SPATA6L: variants seen among roughly 807,000 people sequenced by gnomAD.
SPATA6L encodes spermatogenesis associated 6 like, also known as spermatogenesis associated 6-like protein.
In SPATA6L, 68 loss-of-function variants were observed where a neutral mutation model predicts 49.2. That is an observed-to-expected ratio of 1.38 (90% CI 1.14 to 1.69). The LOEUF (loss-of-function observed/expected upper bound fraction) is 1.69, where lower values mean the gene tolerates loss of function less well. Ranked by LOEUF, SPATA6L falls within the 40% of genes most tolerant of loss-of-function variation. The pLI is 0.00. For missense variants in SPATA6L, 668 were observed against 464.3 expected (o/e 1.44, Z -4.03); for synonymous variants, 198 against 165.7 (o/e 1.19, Z -1.50).
chr9:4,606,094 CT>C (rs1293991495), intron 9 of SPATA6L, among the ~76,000 whole-genome samples: 1 of 152,132 alleles, frequency 6.6e-6, no homozygotes, highest in African/African-American at 2.4e-5. Context: ...AAATACTGCG[CT>C]TTTCCTACGG....
At chr9:4,615,776 A>C (rs935884763) in intron 9 of SPATA6L, among the ~76,000 whole-genome samples, 1 of 152,106 alleles carries the variant, frequency 6.6e-6, no homozygotes, top group Non-Finnish European at 1.5e-5. Flanking sequence ...ATTGCCCCCA[A>C]CAGTTGCCCA....
In SPATA6L at chr9:4,602,508, C is replaced by G. The variant is rs1054272053; in HGVS notation, c.*1+1671G>C. 3.9e-5 allele frequency among the ~76,000 whole-genome samples: 6 copies of G among 152,332 alleles called. No homozygotes were observed. In the East Asian group the frequency reaches 1.2e-3, roughly 29 times the overall value. On this transcript the variant is annotated intron_variant, in intron 11 of 11. Transcript: ENST00000682582. ...TGTTCTGTAAAGCATGCATGACCCT[C>G]AAAACAGACTTTCAGGAGCCTGACT...
In SPATA6L at chr9:4,662,079, C is replaced by A. The variant is rs779002916; in HGVS notation, c.40-43G>T. The A allele has an allele frequency of 1.1e-5, 17 of 1,605,420 alleles. No individual in the cohort carries two copies. Among genetic ancestry groups the A allele is most frequent in the Non-Finnish European group, 1.4e-5 (17 of 1,175,600 alleles). On this transcript the variant is annotated intron_variant, in intron 1 of 11. Coordinates refer to ENST00000682582, the MANE Select transcript of SPATA6L (RefSeq NM_001353486.2). This position sits in a 1 kb window ranked among gnomAD's most constrained non-coding sequence, Gnocchi z 4.9. ...CAACAAACAAGGGAGAGAAAACAGA[C>A]TTTGCTTTGTTTTGTTACACGGGGC...
chr9:4,609,832 A>G (rs950450105), intron 9 of SPATA6L, among the ~76,000 whole-genome samples: 4 of 150,674 alleles, frequency 2.7e-5, no homozygotes, highest in South Asian at 2.1e-4. Context: ...AGGGTATTCA[A>G]TTGGGAAAAG....
chr9:4,605,251 G>T (rs1164202018), intron 10 of SPATA6L, 96 bp downstream of exon 10: 3 of 912,738 alleles, frequency 3.3e-6, no homozygotes, highest in Non-Finnish European at 3.5e-6. Context: ...TATTTCTGTG[G>T]TTATTTGATT....
intron 9 of SPATA6L, among the ~76,000 whole-genome samples, chr9:4,614,748 G>A (rs765656773): frequency 2.0e-5 from 3 of 152,142 alleles, no homozygotes; most frequent in Non-Finnish European, 4.4e-5. Flanking sequence ...CTGTGGCTGT[G>A]TTATTATTTG....
At chr9:4,610,245 C>G (rs11506646) in intron 9 of SPATA6L, among the ~76,000 whole-genome samples, 11,326 of 148,996 alleles carry the variant, frequency 0.076, 1,421 homozygotes, top group African/African-American at 0.27. Flanking sequence ...AGATTCAATG[C>G]CATCCCCATC....
intron 5 of SPATA6L, chr9:4,626,496 TTTC>T: frequency 3.1e-6 from 4 of 1,304,378 alleles, no homozygotes; most frequent in Non-Finnish European, 4.0e-6. Context: ...TTCTGTTCAG[TTTC>T]TTCTTTAAGC....
At chr9:4,607,487 A>C (rs1825583566) in intron 9 of SPATA6L, among the ~76,000 whole-genome samples, 1 of 152,248 alleles carries the variant, frequency 6.6e-6, no homozygotes, top group Non-Finnish European at 1.5e-5. Flanking sequence ...GGGGGCCAAT[A>C]TTCCACATTC....
chr9:4,591,599 T>C (rs988804763), intron 13 of SPATA6L, among the ~76,000 whole-genome samples: 1 of 152,236 alleles, frequency 6.6e-6, no homozygotes, highest in Admixed American at 6.5e-5. Context: ...TCAGGTACTT[T>C]GGAGCTAATC....
At chr9:4,622,175 G>A (rs187392167) in intron 7 of SPATA6L, among the ~76,000 whole-genome samples, 1 of 152,196 alleles carries the variant, frequency 6.6e-6, no homozygotes, top group African/African-American at 2.4e-5. Context: ...AGCACACTCA[G>A]CACGCCGCTC....
rs1448288273 is a variant in SPATA6L at position 4,599,822 on chromosome 9, G to A, written c.*989C>T. Among the ~76,000 whole-genome samples, 1 of 152,168 alleles carries A rather than the reference G, an allele frequency of 6.6e-6. No homozygotes were observed. The highest frequency in any genetic ancestry group is 1.5e-5 in the Non-Finnish European group (1 of 68,030). ...TAGGATTTCAACATACAAATGTTGA[G>A]GGGACACAAACATTCACACTATAGT... On this transcript the variant is annotated 3_prime_UTR_variant, in exon 12 of 12. Coordinates refer to ENST00000682582, the MANE Select transcript of SPATA6L (RefSeq NM_001353486.2).
chr9:4,623,572 T>C (rs1410229000), intron 6 of SPATA6L, among the ~76,000 whole-genome samples: 1 of 152,154 alleles, frequency 6.6e-6, no homozygotes, highest in Non-Finnish European at 1.5e-5. Context: ...TTTTCTAAAT[T>C]TTAATGCTTC....
At chr9:4,644,736 C>A (rs926729313) in intron 3 of SPATA6L, among the ~76,000 whole-genome samples, 1 of 149,930 alleles carries the variant, frequency 6.7e-6, no homozygotes, top group Non-Finnish European at 1.5e-5. Flanking sequence ...TCTATGCCAA[C>A]AACCCTAAAA....
At chr9:4,644,019 T>G (rs1326584270) in intron 3 of SPATA6L, among the ~76,000 whole-genome samples, 3 of 149,754 alleles carry the variant, frequency 2.0e-5, no homozygotes, top group Non-Finnish European at 3.0e-5. Flanking sequence ...AAAAATCAAT[T>G]TGAAAAAAAA....
rs185397103 is a variant in SPATA6L at position 4,627,932 on chromosome 9, T to G, written c.429+1159A>C. Reference sequence around the variant, plus strand: ...ATAATGGAGTGCTATTCAGCCATTATTTTTTATGTCTTGCAACAACGTGGA... The same window carrying G: ...ATAATGGAGTGCTATTCAGCCATTAGTTTTTATGTCTTGCAACAACGTGGA... On this transcript the variant is annotated intron_variant, in intron 5 of 11. Coordinates refer to ENST00000682582, the MANE Select transcript of SPATA6L (RefSeq NM_001353486.2). 2.1e-5 allele frequency: 14 copies of G among 653,814 alleles called. No individual in the cohort carries two copies. In the East Asian group the frequency reaches 9.9e-4, roughly 46 times the overall value. The allele number at this position is 653,814 out of a possible 1,614,324, so 40.5% of individuals were successfully genotyped here.
At chr9:4,592,189 C>T (rs1821946140) in intron 13 of SPATA6L, among the ~76,000 whole-genome samples, 2 of 151,958 alleles carry the variant, frequency 1.3e-5, no homozygotes, top group African/African-American at 2.4e-5. Context: ...GTGGCACATG[C>T]CTGTAGTCCC....
At chr9:4,608,636 A>T (rs1248185834) in intron 9 of SPATA6L, among the ~76,000 whole-genome samples, 3 of 145,818 alleles carry the variant, frequency 2.1e-5, no homozygotes, top group Non-Finnish European at 3.0e-5. Flanking sequence ...TCTGGGATAC[A>T]TTCAAAGCAG....
intron 3 of SPATA6L, among the ~76,000 whole-genome samples, chr9:4,649,283 A>T (rs1836262206): frequency 6.6e-6 from 1 of 152,164 alleles, no homozygotes; most frequent in Non-Finnish European, 1.5e-5. Flanking sequence ...TTCTACTTTT[A>T]GTTCTTTAAG....
Sources: gnomAD v4.1 joint callset for allele counts (sites outside exome capture counted in the v4.1 genomes callset) on GRCh38, gnomAD v4.1.1 for gene constraint, Gnocchi (gnomAD v3.1) non-coding constraint, MANE v1.5 for transcripts, NCBI Gene and HGNC (gene_info 2026-07-23, HGNC 2026-07-21) for gene names.